MCC: variants seen among roughly 807,000 people sequenced by gnomAD.
MCC encodes the protein colorectal mutant cancer protein.
A neutral mutation model predicts 116.2 loss-of-function variants in MCC; 90 were observed. The ratio of observed to expected loss-of-function variants is 0.77; its 90% CI spans 0.65 to 0.92. The LOEUF (loss-of-function observed/expected upper bound fraction) is 0.92, where lower values mean the gene tolerates loss of function less well. MCC is among the 40% of genes least tolerant of loss of function. The probability of loss-of-function intolerance (pLI) is 0.00; values close to 1 mark genes in which losing one functional copy is unlikely to be tolerated. For missense variants in MCC, 1,516 were observed against 1,312.2 expected (o/e 1.16, Z -2.40); for synonymous variants, 578 against 510.5 (o/e 1.13, Z -1.78).
chr5:113,432,656 A>T (rs768733648), intron 1 of MCC: 3 of 152,232 alleles, frequency 2.0e-5, no homozygotes, highest in African/African-American at 2.4e-5. Context: ...GGTCTATAGA[A>T]ATCAAAAGTT....
At chr5:113,226,270 C>T (rs1280350761) in intron 3 of MCC, among the ~76,000 whole-genome samples, 1 of 152,204 alleles carries the variant, frequency 6.6e-6, no homozygotes, top group East Asian at 1.9e-4. Context: ...TTATTCTATT[C>T]CATGGAATGG....
chr5:113,344,449 C>G (rs1350845845), intron 2 of MCC, among the ~76,000 whole-genome samples: 1 of 151,920 alleles, frequency 6.6e-6, no homozygotes, highest in South Asian at 2.1e-4. Context: ...AGACATCACC[C>G]GGGTTGGCTA....
chr5:113,340,672 C>G lies in MCC; in HGVS notation c.474G>C (p.Gln158His), dbSNP rs780696120. ...WEYDSGARDL[Q>H]SPDVQSQSAL... ...CTGACTGGCTCTGCACATCCGGGCTCTGGAGGTCCCTGGCACCAGAGTCGT... is the reference window on the plus strand; with the variant it reads ...CTGACTGGCTCTGCACATCCGGGCTGTGGAGGTCCCTGGCACCAGAGTCGT... The change falls in exon 3 of 19, where the codon CAG becomes CAC. Residue 158 changes from glutamine to histidine, a missense_variant. Coordinates refer to ENST00000408903, the MANE Select transcript of MCC (RefSeq NM_001085377.2). The G allele has an allele frequency of 2.5e-6, 4 of 1,614,062 alleles. No homozygotes were observed. In the South Asian group the frequency reaches 4.4e-5, roughly 18 times the overall value.
chr5:113,178,906 T>C (rs1487387419), intron 3 of MCC, among the ~76,000 whole-genome samples: 1 of 75,028 alleles, frequency 1.3e-5, no homozygotes, highest in Non-Finnish European at 2.6e-5. Context: ...CTCTCATTTA[T>C]CTTATCAAAA....
chr5:113,090,822 A>C (rs930999865), intron 8 of MCC, among the ~76,000 whole-genome samples: 8 of 152,260 alleles, frequency 5.3e-5, no homozygotes, highest in African/African-American at 1.9e-4. Context: ...TCCTATTAAA[A>C]ATGCATAGAA....
intron 3 of MCC, among the ~76,000 whole-genome samples, chr5:113,179,015 A>C (rs1761479397): frequency 6.6e-6 from 1 of 152,196 alleles, no homozygotes; most frequent in Non-Finnish European, 1.5e-5. Context: ...AATGATCCAG[A>C]AGTCATAATT....
At chr5:113,261,944 C>A (rs1431951768) in intron 3 of MCC, among the ~76,000 whole-genome samples, 1 of 152,042 alleles carries the variant, frequency 6.6e-6, no homozygotes, top group African/African-American at 2.4e-5. Context: ...ACACAAAAAA[C>A]TACATTATTA....
intron 3 of MCC, among the ~76,000 whole-genome samples, chr5:113,267,628 G>A (rs533136360): frequency 6.6e-6 from 1 of 152,314 alleles, no homozygotes; most frequent in African/African-American, 2.4e-5. Flanking sequence ...ATGAAAACAT[G>A]CCAAGTGAAA....
At chr5:113,269,120 A>T in intron 3 of MCC, 2 of 964,070 alleles carry the variant, frequency 2.1e-6, no homozygotes, top group South Asian at 9.6e-5. Context: ...TAAAAGTCAG[A>T]CCAGCCTTGC....
rs544955348 is a variant in MCC, at chr5:113,151,274, C to G, written c.741+35G>C. On this transcript the variant is annotated intron_variant, in intron 4 of 18. Coordinates refer to ENST00000408903, the MANE Select transcript of MCC (RefSeq NM_001085377.2). Reference sequence around the variant, plus strand: ...AAGATTAAATATTTAAAACAAAAAACAAAAGCAAACTAAAAACCTTTCCAG... The same window carrying G: ...AAGATTAAATATTTAAAACAAAAAAGAAAAGCAAACTAAAAACCTTTCCAG... The G allele has an allele frequency of 9.0e-6, 12 of 1,332,780 alleles. No homozygotes were observed. The East Asian group carries it at 2.5e-4, about 28-fold the overall frequency. The allele number at this position is 1,332,780 out of a possible 1,614,324, so 82.6% of individuals were successfully genotyped here.
intron 2 of MCC, among the ~76,000 whole-genome samples, chr5:113,342,652 T>C (rs190767565): frequency 3.3e-5 from 5 of 152,324 alleles, no homozygotes; most frequent in African/African-American, 1.2e-4. Context: ...TGTCACTCTT[T>C]CCAGAAAAAA....
intron 6 of MCC, among the ~76,000 whole-genome samples, chr5:113,112,488 G>GT (rs2150262674): frequency 6.6e-6 from 1 of 152,254 alleles, no homozygotes; most frequent in Non-Finnish European, 1.5e-5. Flanking sequence ...TGCCGTAATT[G>GT]TAAGTTTCCT....
At chr5:113,048,399 G>T (rs1238489700) in intron 16 of MCC, among the ~76,000 whole-genome samples, 1 of 152,140 alleles carries the variant, frequency 6.6e-6, no homozygotes, top group Non-Finnish European at 1.5e-5. Flanking sequence ...TCATTCCTTA[G>T]GCCAGCATAG....
At chr5:113,221,787 C>T (rs1763560386) in intron 3 of MCC, among the ~76,000 whole-genome samples, 1 of 152,284 alleles carries the variant, frequency 6.6e-6, no homozygotes, top group Admixed American at 6.5e-5. Context: ...ACTCCCGATT[C>T]ACTGCCCCCC....
intron 11 of MCC, among the ~76,000 whole-genome samples, chr5:113,076,817 A>T (rs1448434223): frequency 1.3e-5 from 2 of 152,208 alleles, no homozygotes; most frequent in Admixed American, 6.5e-5. Flanking sequence ...TATTAACCTT[A>T]AATGTAAATG....
intron 1 of MCC, among the ~76,000 whole-genome samples, chr5:113,458,164 T>C (rs113198281): frequency 0.035 from 5,327 of 152,228 alleles, 135 homozygotes; most frequent in African/African-American, 0.069. Context: ...TTCCACACTG[T>C]GGAAGCTTTG....
At chr5:113,041,170 A>G (rs890108464) in intron 17 of MCC, among the ~76,000 whole-genome samples, 1 of 152,204 alleles carries the variant, frequency 6.6e-6, no homozygotes, top group Non-Finnish European at 1.5e-5. Flanking sequence ...ACAAAAAGTG[A>G]CAATAAATCA....
At chr5:113,359,223 A>G (rs1768486776) in intron 2 of MCC, among the ~76,000 whole-genome samples, 1 of 152,154 alleles carries the variant, frequency 6.6e-6, no homozygotes, top group Non-Finnish European at 1.5e-5. Flanking sequence ...AATATAGTGG[A>G]AGATATATTT....
rs377120450 is a variant in MCC, at chr5:113,146,717, G to C, written c.742-3357C>G. On this transcript the variant is annotated intron_variant, in intron 4 of 18. Coordinates refer to ENST00000408903, the MANE Select transcript of MCC (RefSeq NM_001085377.2). ...AAGGCAGTTTCTTCTACTACAACTT[G>C]TAAGTTAGAGACTATTTTCTTCTCT... is the stretch of plus-strand genomic sequence containing the variant. Among the ~76,000 whole-genome samples, 9 of 152,270 alleles carry C rather than the reference G, an allele frequency of 5.9e-5. No homozygotes were observed. In the South Asian group the frequency reaches 1.9e-3, roughly 32 times the overall value.
Sources: allele counts gnomAD v4.1 joint callset (sites outside exome capture counted in the v4.1 genomes callset), GRCh38; gene constraint gnomAD v4.1.1; transcripts MANE v1.5; gene names NCBI Gene and HGNC (gene_info 2026-07-23, HGNC 2026-07-21).